FAM184B: variants seen among roughly 807,000 people sequenced by gnomAD.
FAM184B encodes the protein family with sequence similarity 184 member B.
In FAM184B, 111 loss-of-function variants were observed where a neutral mutation model predicts 135.9. That is an observed-to-expected ratio of 0.82 (90% CI 0.70 to 0.96). The LOEUF is 0.96. Among genes scored for constraint, FAM184B ranks in the 40% least tolerant of loss-of-function variants. The probability of loss-of-function intolerance (pLI) is 0.00; values close to 1 mark genes in which losing one functional copy is unlikely to be tolerated. For missense variants in FAM184B, 1,375 were observed against 1,323.9 expected (o/e 1.04, Z -0.60); for synonymous variants, 552 against 524.8 (o/e 1.05, Z -0.71).
intron 8 of FAM184B, among the ~76,000 whole-genome samples, chr4:17,663,814 T>A (rs1287501662): frequency 3.9e-5 from 6 of 152,140 alleles, no homozygotes; most frequent in African/African-American, 1.4e-4. Flanking sequence ...GGTGATTGGA[T>A]CATGGGGGCC....
intron 6 of FAM184B, among the ~76,000 whole-genome samples, chr4:17,691,215 A>G (rs555773215): frequency 6.6e-6 from 1 of 152,296 alleles, no homozygotes; most frequent in South Asian, 2.1e-4. Context: ...TAGCTATGCA[A>G]TGTTGGGAAA....
intron 1 of FAM184B, among the ~76,000 whole-genome samples, chr4:17,760,479 A>C (rs953978849): frequency 1.3e-5 from 2 of 151,856 alleles, no homozygotes; most frequent in African/African-American, 4.8e-5. Flanking sequence ...CAAAAAAAAA[A>C]AAACAAAAAC....
At chr4:17,725,012 C>T (rs534779860) in intron 1 of FAM184B, among the ~76,000 whole-genome samples, 11 of 152,256 alleles carry the variant, frequency 7.2e-5, no homozygotes, top group East Asian at 3.9e-4. Context: ...TATCTGCCCC[C>T]GCATACCTGA....
At chr4:17,665,607 C>T (rs1716028967) in intron 7 of FAM184B, among the ~76,000 whole-genome samples, 3 of 152,126 alleles carry the variant, frequency 2.0e-5, no homozygotes, top group African/African-American at 7.2e-5. Context: ...AACTGTGTTC[C>T]AGGGATCCTG....
intron 13 of FAM184B, among the ~76,000 whole-genome samples, chr4:17,639,830 ACTT>A (rs1238431057): frequency 1.4e-5 from 2 of 145,470 alleles, no homozygotes; most frequent in African/African-American, 2.7e-5. Context: ...GCCTCCCTGA[ACTT>A]TTTTTTTTTT....
intron 11 of FAM184B, among the ~76,000 whole-genome samples, chr4:17,649,727 CTT>C (rs1350353384): frequency 6.6e-6 from 1 of 152,252 alleles, no homozygotes; most frequent in Non-Finnish European, 1.5e-5. Context: ...CAATAAAACT[CTT>C]TACCAAATCA....
intron 7 of FAM184B, among the ~76,000 whole-genome samples, chr4:17,668,921 A>C (rs576405624): frequency 6.6e-6 from 1 of 152,378 alleles, no homozygotes; most frequent in South Asian, 2.1e-4. Flanking sequence ...TAAACAAAAC[A>C]ACAAAAGTTT....
rs546613584 is a variant in FAM184B, at chr4:17,774,465, G to A, written c.141+6694C>T. ...GAGGTGGACACGGGCCCAGAGGCAG[G>A]GCAGGGCTGGGGAAACCTGCCTGAT... is the stretch of plus-strand genomic sequence containing the variant. On this transcript the variant is annotated intron_variant, in intron 1 of 17. Coordinates refer to ENST00000265018, the MANE Select transcript of FAM184B (RefSeq NM_015688.2). 5.3e-5 allele frequency among the ~76,000 whole-genome samples: 8 copies of A among 152,314 alleles called. No individual in the cohort carries two copies. In the South Asian group the frequency reaches 1.4e-3, roughly 28 times the overall value.
At position 17,633,902 on chromosome 4, in the gene FAM184B, T is replaced by G. The variant is rs1479264608; in HGVS notation, c.2890-14A>C. 1.3e-6 allele frequency: 2 copies of G among 1,532,018 alleles called. No homozygotes were observed. Among genetic ancestry groups the G allele is most frequent in the Non-Finnish European group, 1.8e-6 (2 of 1,138,542 alleles). 94.9% of individuals were successfully genotyped at this position (1,532,018 alleles called of 1,614,324 possible). A position where few individuals can be genotyped will look rare whatever the true frequency, so the allele number is the denominator to read the frequency against. On this transcript the variant is annotated splice_polypyrimidine_tract_variant and intron_variant, in intron 16 of 17. Transcript: ENST00000265018. The stretch of plus-strand genomic sequence containing the variant: ...CACCTTCTTTTTCTGTTTGTATTAA[T>G]GGACAGGTTAGTGCAATGCAATGCA...
intron 1 of FAM184B, among the ~76,000 whole-genome samples, chr4:17,780,294 G>C (rs910123164): frequency 6.6e-6 from 1 of 152,140 alleles, no homozygotes; most frequent in African/African-American, 2.4e-5. Context: ...TCTCCCTGGC[G>C]GGCATGGCAC....
chr4:17,702,897 T>G (rs1257677722), intron 5 of FAM184B, among the ~76,000 whole-genome samples: 2 of 152,124 alleles, frequency 1.3e-5, no homozygotes, highest in African/African-American at 4.8e-5. Flanking sequence ...ATTAGATTTG[T>G]GCAACCAGTT....
Position 17,647,652 on chromosome 4 carries a change from G to A in FAM184B, c.2331C>T (p.His777=). 2.6e-6 allele frequency: 4 copies of A among 1,550,436 alleles called. No homozygotes were observed. The highest frequency in any genetic ancestry group is 3.5e-6 in the Non-Finnish European group (4 of 1,146,820). The part of the protein sequence containing the change: ...SSQCPGDSKD[H]IIATEERGGP... Reference sequence around the variant, plus strand: ...GGGCACTGACCTCTGTGGCGATTATGTGATCCTTGCTGTCTCCTGGACACT... The same window carrying A: ...GGGCACTGACCTCTGTGGCGATTATATGATCCTTGCTGTCTCCTGGACACT... The change falls in exon 12 of 18, where the codon CAC becomes CAT. Residue 777 remains histidine (H), a synonymous_variant. Coordinates refer to ENST00000265018, the MANE Select transcript of FAM184B (RefSeq NM_015688.2).
At chr4:17,735,951 G>T (rs187684086) in intron 1 of FAM184B, among the ~76,000 whole-genome samples, 1 of 152,308 alleles carries the variant, frequency 6.6e-6, no homozygotes, top group East Asian at 1.9e-4. Flanking sequence ...CTAAACCTGG[G>T]AAGCTCAGCA....
chr4:17,755,812 A>G (rs1160870941), intron 1 of FAM184B, among the ~76,000 whole-genome samples: 1 of 152,208 alleles, frequency 6.6e-6, no homozygotes, highest in African/African-American at 2.4e-5. Context: ...GCAGGAACAG[A>G]AAACCAAACA....
intron 1 of FAM184B, among the ~76,000 whole-genome samples, chr4:17,755,257 A>G (rs914245287): frequency 6.6e-6 from 1 of 152,228 alleles, no homozygotes; most frequent in Non-Finnish European, 1.5e-5. Flanking sequence ...CTTCATAAAA[A>G]AGCCTAGAAA....
intron 1 of FAM184B, among the ~76,000 whole-genome samples, chr4:17,734,284 G>A (rs965976282): frequency 1.1e-4 from 16 of 152,198 alleles, no homozygotes; most frequent in Non-Finnish European, 2.2e-4. Context: ...AGGACTTCAT[G>A]TCTAAAACAC....
chr4:17,765,746 TGAA>T (rs1341207793), intron 1 of FAM184B, among the ~76,000 whole-genome samples: 2 of 152,176 alleles, frequency 1.3e-5, no homozygotes, highest in Non-Finnish European at 2.9e-5. Context: ...CTCACTGACT[TGAA>T]GAATAAAGCC....
intron 1 of FAM184B, among the ~76,000 whole-genome samples, chr4:17,719,177 C>G (rs543653842): frequency 9.3e-4 from 142 of 152,116 alleles, no homozygotes; most frequent in Non-Finnish European, 1.8e-3. Flanking sequence ...TGCTCTTGAG[C>G]TTTGGGGCCA....
chr4:17,637,197 T>C (rs929259496), intron 14 of FAM184B, among the ~76,000 whole-genome samples: 4 of 152,016 alleles, frequency 2.6e-5, no homozygotes, highest in Non-Finnish European at 4.4e-5. Flanking sequence ...CCAGGGAAAT[T>C]TTTGTATTTT....
Sources: allele counts gnomAD v4.1 joint callset (sites outside exome capture counted in the v4.1 genomes callset), GRCh38; gene constraint gnomAD v4.1.1; transcripts MANE v1.5; gene names NCBI Gene and HGNC (gene_info 2026-07-23, HGNC 2026-07-21).